Variants in FOXN3 observed in about 807,000 individuals in gnomAD.
The protein encoded by FOXN3 is forkhead box N3.
A neutral mutation model predicts 38.4 loss-of-function variants in FOXN3; 7 were observed. The observed-to-expected ratio is 0.18, with a 90% confidence interval of 0.10 to 0.34. The LOEUF (loss-of-function observed/expected upper bound fraction) is 0.34, where lower values mean the gene tolerates loss of function less well. Ranked by LOEUF, FOXN3 falls within the 10% of genes least tolerant of loss-of-function variation. The pLI, the probability that FOXN3 is intolerant of heterozygous loss-of-function variation, is 1.00. For synonymous variants in FOXN3, 230 were observed against 242.2 expected (o/e 0.95, Z 0.47); for missense variants, 456 against 613.4 (o/e 0.74, Z 2.71).
intron 1 of FOXN3, among the ~76,000 whole-genome samples, chr14:89,528,373 A>AAT: frequency 1.1e-5 from 1 of 87,280 alleles, no homozygotes. Context: ...AACATGGATG[A>AAT]ATCTTTTTTT....
intron 1 of FOXN3, among the ~76,000 whole-genome samples, chr14:89,437,175 A>G (rs911017289): frequency 2.2e-5 from 3 of 138,756 alleles, no homozygotes; most frequent in Non-Finnish European, 4.8e-5. Flanking sequence ...ACTCTGTCTC[A>G]AAAAACAAAA....
At chr14:89,356,418 AATT>A (rs1889229694) in intron 2 of FOXN3, 1 of 151,696 alleles carries the variant, frequency 6.6e-6, no homozygotes, top group African/African-American at 2.4e-5. Flanking sequence ...TAATAATAAT[AATT>A]AAATTAAATT....
intron 4 of FOXN3, among the ~76,000 whole-genome samples, chr14:89,267,742 T>C (rs904099018): frequency 3.3e-5 from 5 of 152,078 alleles, no homozygotes; most frequent in African/African-American, 1.2e-4. Flanking sequence ...TAAAATGCAG[T>C]GAGGGGAAGA....
At chr14:89,595,088 G>A (rs576577203) in intron 1 of FOXN3, among the ~76,000 whole-genome samples, 4 of 151,940 alleles carry the variant, frequency 2.6e-5, no homozygotes, top group South Asian at 2.1e-4. Flanking sequence ...AGGCCGAGGC[G>A]GGAGGATCAC....
At chr14:89,296,133 TA>T (rs1887032819) in intron 3 of FOXN3, among the ~76,000 whole-genome samples, 1 of 152,206 alleles carries the variant, frequency 6.6e-6, no homozygotes, top group South Asian at 2.1e-4. Context: ...AATACATGCA[TA>T]TTTTTTATAA....
chr14:89,246,785 C>T (rs1164694703), intron 4 of FOXN3, among the ~76,000 whole-genome samples: 9 of 152,090 alleles, frequency 5.9e-5, no homozygotes, highest in South Asian at 2.1e-4. Context: ...GTGATCCACC[C>T]GCCTCAGCCT....
intron 3 of FOXN3, among the ~76,000 whole-genome samples, chr14:89,332,699 G>C (rs890079522): frequency 6.6e-6 from 1 of 152,172 alleles, no homozygotes; most frequent in African/African-American, 2.4e-5. Flanking sequence ...GCAAACATAA[G>C]TGGGACTACA....
chr14:89,367,750 C>T (rs1429469461), intron 2 of FOXN3, among the ~76,000 whole-genome samples: 1 of 152,196 alleles, frequency 6.6e-6, no homozygotes, highest in Non-Finnish European at 1.5e-5. Flanking sequence ...ACAGTGGCAG[C>T]AACCACGTGG....
At chr14:89,260,064 C>T (rs912376353) in intron 4 of FOXN3, among the ~76,000 whole-genome samples, 27 of 152,194 alleles carry the variant, frequency 1.8e-4, no homozygotes, top group African/African-American at 5.8e-4. Flanking sequence ...AGCCTCGTGT[C>T]GGGCAGTGTG....
chr14:89,281,807 G>A (rs964510658), intron 3 of FOXN3, among the ~76,000 whole-genome samples: 4 of 152,162 alleles, frequency 2.6e-5, no homozygotes, highest in African/African-American at 9.7e-5. Flanking sequence ...ATTAATGTTA[G>A]AAAGTACTTA....
rs555460873 is a variant in FOXN3 at position 89,376,063 on chromosome 14, G to A, written c.544-25255C>T. 7.2e-5 allele frequency among the ~76,000 whole-genome samples: 11 copies of A among 152,234 alleles called. No individual in the cohort carries two copies. In the East Asian group the frequency reaches 1.7e-3, roughly 24 times the overall value. On this transcript the variant is annotated intron_variant, in intron 2 of 5. Transcript: ENST00000557258. ...CTCCCAAAGTGCTGGGATTACAGGC[G>A]TGAGCCACCACACCTGGCCTCCAGT...
intron 1 of FOXN3, among the ~76,000 whole-genome samples, chr14:89,511,276 T>C (rs374183078): frequency 0.35 from 14,119 of 40,470 alleles, 5,852 homozygotes; most frequent in Middle Eastern, 0.66. Context: ...TCTTTCTTTC[T>C]TTCTTTCTTT....
chr14:89,444,284 C>T (rs1389431245), intron 1 of FOXN3, among the ~76,000 whole-genome samples: 2 of 144,846 alleles, frequency 1.4e-5, no homozygotes, highest in African/African-American at 2.5e-5. Flanking sequence ...TTTTGATGGG[C>T]GGGGGCGGTG....
intron 4 of FOXN3, among the ~76,000 whole-genome samples, chr14:89,246,094 A>G (rs1175239000): frequency 6.6e-6 from 1 of 152,196 alleles, no homozygotes; most frequent in African/African-American, 2.4e-5. Flanking sequence ...TGATGGCTGC[A>G]CAACTCTGCG....
chr14:89,405,995 A>T (rs1479128040), intron 2 of FOXN3, among the ~76,000 whole-genome samples: 1 of 152,020 alleles, frequency 6.6e-6, no homozygotes, highest in African/African-American at 2.4e-5. Flanking sequence ...GCAAGACCCC[A>T]CCTTTACTAA....
chr14:89,584,323 C>A (rs1895803929), intron 1 of FOXN3, among the ~76,000 whole-genome samples: 1 of 152,020 alleles, frequency 6.6e-6, no homozygotes, highest in Admixed American at 6.6e-5. Flanking sequence ...ATCTTTTGAG[C>A]CTGGGAGGCG....
At chr14:89,247,505 T>A (rs568045283) in intron 4 of FOXN3, among the ~76,000 whole-genome samples, 1 of 152,288 alleles carries the variant, frequency 6.6e-6, no homozygotes, top group Non-Finnish European at 1.5e-5. Flanking sequence ...AGAATTATGA[T>A]AAGGGGACAG....
At chr14:89,433,704 T>A (rs1892213488) in intron 1 of FOXN3, among the ~76,000 whole-genome samples, 1 of 151,088 alleles carries the variant, frequency 6.6e-6, no homozygotes, top group East Asian at 2.0e-4. Flanking sequence ...TTCAGGAGGC[T>A]GAGGCAGTAG....
intron 4 of FOXN3, among the ~76,000 whole-genome samples, chr14:89,192,855 A>G (rs1347799962): frequency 6.7e-6 from 1 of 150,242 alleles, no homozygotes; most frequent in Non-Finnish European, 1.5e-5. Context: ...CATTCAGCTA[A>G]AAAACTAAAA....
Sources: gnomAD v4.1 joint callset for allele counts (sites outside exome capture counted in the v4.1 genomes callset) on GRCh38, gnomAD v4.1.1 for gene constraint, MANE v1.5 for transcripts, NCBI Gene and HGNC (gene_info 2026-07-23, HGNC 2026-07-21) for gene names.